PRKCA: variants seen among roughly 807,000 people sequenced by gnomAD.
PRKCA encodes protein kinase C alpha, also known as protein kinase C alpha type.
PRKCA carries 27 observed loss-of-function variants against 87.0 expected under a neutral mutation model. The observed-to-expected ratio is 0.31, with a 90% CI of 0.23 to 0.43. The LOEUF (loss-of-function observed/expected upper bound fraction) is 0.43. Among genes scored for constraint, PRKCA ranks in the 20% least tolerant of loss-of-function variants. The pLI is 1.00. For missense variants in PRKCA, 518 were observed against 852.3 expected, an observed-to-expected ratio of 0.61 and a Z score of 4.88; for synonymous variants, 329 against 311.1, an observed-to-expected ratio of 1.06 and a Z score of -0.61.
chr17:66,589,741 A>G, intron 3 of PRKCA, among the ~76,000 whole-genome samples: 1 of 152,168 alleles, frequency 6.6e-6, no homozygotes, highest in Admixed American at 6.5e-5. Context: ...AGATGATAAG[A>G]TGATCTCACT....
Position 66,691,895 on chromosome 17 carries a change from T to C in PRKCA, c.918+2848T>C, listed in dbSNP as rs1425925860. 2.0e-5 allele frequency among the ~76,000 whole-genome samples: 3 copies of C among 152,256 alleles called. No homozygotes were observed. The East Asian group carries it at 5.8e-4, about 29-fold the overall frequency. On this transcript the variant is annotated intron_variant, in intron 8 of 16. Coordinates refer to ENST00000413366, the MANE Select transcript of PRKCA (RefSeq NM_002737.3). Reference sequence around the variant, plus strand: ...TTGACCCACTCTTTGTGCTTCATTGTCGTGGCTTCCTGGTGAGTAAACTTC... The same window carrying C: ...TTGACCCACTCTTTGTGCTTCATTGCCGTGGCTTCCTGGTGAGTAAACTTC...
At chr17:66,767,149 C>G (rs890017809) in intron 13 of PRKCA, among the ~76,000 whole-genome samples, 8 of 152,206 alleles carry the variant, frequency 5.3e-5, no homozygotes, top group Middle Eastern at 3.4e-3. Flanking sequence ...CTTAGAGAAC[C>G]TATTTTCTCC....
intron 3 of PRKCA, among the ~76,000 whole-genome samples, chr17:66,579,289 C>T (rs540590469): frequency 6.6e-6 from 1 of 152,226 alleles, no homozygotes; most frequent in Non-Finnish European, 1.5e-5. Context: ...TCAAGGATGG[C>T]CTTCCTGTGG....
At chr17:66,622,006 A>G (rs1487224722) in intron 3 of PRKCA, among the ~76,000 whole-genome samples, 1 of 151,284 alleles carries the variant, frequency 6.6e-6, no homozygotes, top group East Asian at 2.0e-4. Flanking sequence ...GTTCAGGATC[A>G]GCCCGGGCAA....
intron 3 of PRKCA, among the ~76,000 whole-genome samples, chr17:66,565,310 T>C (rs965422880): frequency 1.3e-5 from 2 of 152,178 alleles, no homozygotes; most frequent in Non-Finnish European, 2.9e-5. Context: ...CCTGAGAGCA[T>C]GCTGAGCAGG....
intron 2 of PRKCA, among the ~76,000 whole-genome samples, chr17:66,482,935 G>A (rs1450382369): frequency 1.3e-5 from 2 of 152,016 alleles, no homozygotes; most frequent in Non-Finnish European, 2.9e-5. Context: ...ATCTTTGTAT[G>A]CCTTTATTTC....
chr17:66,777,233 G>A (rs1264162700), intron 14 of PRKCA: 8 of 985,284 alleles, frequency 8.1e-6, no homozygotes, highest in South Asian at 9.4e-5. Flanking sequence ...CCAGATCAGC[G>A]GCTTTGCCTC....
chr17:66,488,218 A>G (rs1293185140), intron 2 of PRKCA, among the ~76,000 whole-genome samples: 1 of 152,242 alleles, frequency 6.6e-6, no homozygotes, highest in African/African-American at 2.4e-5. Context: ...TGGAAAGTAC[A>G]GAAAACTCAT....
At chr17:66,672,650 T>C (rs1972222366) in intron 5 of PRKCA, among the ~76,000 whole-genome samples, 1 of 152,224 alleles carries the variant, frequency 6.6e-6, no homozygotes, top group Non-Finnish European at 1.5e-5. Flanking sequence ...TATTTATGCA[T>C]GAAGATGATC....
chr17:66,513,134 C>T (rs1224760777), intron 3 of PRKCA, among the ~76,000 whole-genome samples: 1 of 152,226 alleles, frequency 6.6e-6, no homozygotes, highest in Non-Finnish European at 1.5e-5. Context: ...TCTTACTCTT[C>T]TGTTTAACCT....
intron 2 of PRKCA, among the ~76,000 whole-genome samples, chr17:66,446,599 C>T (rs1026302813): frequency 1.3e-5 from 2 of 152,224 alleles, no homozygotes; most frequent in Admixed American, 1.3e-4. Context: ...GCTGCCTCCA[C>T]TGAGCACCAG....
chr17:66,342,695 A>ATC (rs1907118198), intron 2 of PRKCA, among the ~76,000 whole-genome samples: 2 of 152,132 alleles, frequency 1.3e-5, no homozygotes, highest in Admixed American at 1.3e-4. Flanking sequence ...TGGTGTCCAC[A>ATC]TCTTTGATAG....
At chr17:66,432,384 C>T (rs1913144702) in intron 2 of PRKCA, among the ~76,000 whole-genome samples, 1 of 152,166 alleles carries the variant, frequency 6.6e-6, no homozygotes, top group Admixed American at 6.5e-5. Context: ...ATCATTCCCC[C>T]ACCTTTACTT....
At chr17:66,409,054 A>C (rs1402804537) in intron 2 of PRKCA, among the ~76,000 whole-genome samples, 2 of 148,356 alleles carry the variant, frequency 1.3e-5, no homozygotes, top group Non-Finnish European at 3.0e-5. Flanking sequence ...AAAAAAAAAA[A>C]AGAAGAAGAA....
At chr17:66,434,589 CT>C (rs1460440953) in intron 2 of PRKCA, among the ~76,000 whole-genome samples, 2 of 152,254 alleles carry the variant, frequency 1.3e-5, no homozygotes, top group East Asian at 3.9e-4. Flanking sequence ...CGATTTCCCC[CT>C]TTGCTATGGT....
At chr17:66,567,891 G>A (rs1236123430) in intron 3 of PRKCA, among the ~76,000 whole-genome samples, 12 of 152,208 alleles carry the variant, frequency 7.9e-5, no homozygotes, top group Non-Finnish European at 1.5e-4. Context: ...CAAGATCTTC[G>A]TGAGCCAGTG....
chr17:66,700,367 A>AT (rs1262357430), intron 8 of PRKCA, among the ~76,000 whole-genome samples: 4 of 152,086 alleles, frequency 2.6e-5, no homozygotes, highest in African/African-American at 9.7e-5. Flanking sequence ...GTAAAAAGCT[A>AT]TAAGTTCTTT....
intron 3 of PRKCA, among the ~76,000 whole-genome samples, chr17:66,519,037 A>G (rs2144210485): frequency 6.6e-6 from 1 of 152,300 alleles, no homozygotes; most frequent in Non-Finnish European, 1.5e-5. Flanking sequence ...ACCCATAAAC[A>G]CTACACAAAC....
chr17:66,626,201 TC>T (rs1172241602), intron 3 of PRKCA, among the ~76,000 whole-genome samples: 90 of 142,570 alleles, frequency 6.3e-4, no homozygotes, highest in African/African-American at 2.1e-3. Flanking sequence ...CTTTTTCTTT[TC>T]TTTTTTTTTT....
Sources: gnomAD v4.1 joint callset for allele counts (sites outside exome capture counted in the v4.1 genomes callset) on GRCh38, gnomAD v4.1.1 for gene constraint, MANE v1.5 for transcripts, NCBI Gene and HGNC (gene_info 2026-07-23, HGNC 2026-07-21) for gene names.